The following EPHA4 variants were observed in gnomAD, a reference collection of about 807,000 sequenced individuals.
EPHA4 encodes ephrin type-A receptor 4.
EPHA4 carries 19 observed loss-of-function variants against 108.3 expected under a neutral mutation model. The observed-to-expected ratio is 0.18, with a 90% confidence interval of 0.12 to 0.26. The LOEUF is 0.26. Ranked by LOEUF, EPHA4 falls within the 10% of genes least tolerant of loss-of-function variation. The pLI, the probability that EPHA4 is intolerant of heterozygous loss-of-function variation, is 1.00. For missense variants in EPHA4, 917 were observed against 1,254.0 expected, an observed-to-expected ratio of 0.73 and a Z score of 4.06; for synonymous variants, 449 against 455.5, an observed-to-expected ratio of 0.99 and a Z score of 0.18.
At position 221,430,126 on chromosome 2, in the gene EPHA4, T is replaced by C; in HGVS notation, c.2522A>G (p.Tyr841Cys). 2 of 1,609,656 alleles carry C rather than the reference T, an allele frequency of 1.2e-6. No homozygotes were observed. Among genetic ancestry groups the C allele is most frequent in the Admixed American group, 1.7e-5 (1 of 59,540 alleles). ...GCAGTCCATTGGAGGGGGTAACCGA[T>C]AGCCTTCCTCAATGGCTTTAATCAC... ...QDVIKAIEEG[Y>C]RLPPPMDCPI... The change falls in exon 15 of 18, where the codon TAT (tyrosine) becomes TGT (cysteine). Residue 841 changes from tyrosine (Y) to cysteine (C), a missense_variant. Physicochemically the swap from Tyr to Cys is radical, Grantham distance 194. Coordinates refer to ENST00000281821, the MANE Select transcript of EPHA4 (RefSeq NM_004438.5).
chr2:221,441,741 C>T (rs1051168782), intron 11 of EPHA4, among the ~76,000 whole-genome samples: 2 of 152,108 alleles, frequency 1.3e-5, no homozygotes, highest in East Asian at 3.9e-4. Flanking sequence ...CTGTGTGCTC[C>T]CCCTCCTACA....
chr2:221,437,231 T>C, intron 11 of EPHA4, 109 bp from the exon 12 acceptor site: 2 of 739,894 alleles, frequency 2.7e-6, no homozygotes, highest in South Asian at 3.6e-5. Context: ...TTGTGTGATC[T>C]AATTTAATTA....
At chr2:221,514,992 A>G (rs1318792845) in intron 3 of EPHA4, among the ~76,000 whole-genome samples, 1 of 152,168 alleles carries the variant, frequency 6.6e-6, no homozygotes, top group Non-Finnish European at 1.5e-5. Context: ...AAAAAATCTT[A>G]CTCATCCCAA....
rs141547204 is a variant in EPHA4, at chr2:221,539,497, T to G, written c.823+24234A>C. ...TGCTTCTGTAGAACCTTGTGGAATG[T>G]GCAAAATTGTGACCAGCAGGAGGGC... On this transcript the variant is annotated intron_variant, in intron 3 of 17. Coordinates refer to ENST00000281821, the MANE Select transcript of EPHA4 (RefSeq NM_004438.5). 5.3e-5 allele frequency among the ~76,000 whole-genome samples: 8 copies of G among 152,238 alleles called. No homozygotes were observed. In the East Asian group the frequency reaches 1.4e-3, roughly 26 times the overall value.
At chr2:221,485,516 C>T (rs1318542764) in intron 4 of EPHA4, among the ~76,000 whole-genome samples, 1 of 152,054 alleles carries the variant, frequency 6.6e-6, no homozygotes, top group Non-Finnish European at 1.5e-5. Context: ...ACTGTCGCTG[C>T]CTCGAAATTG....
intron 15 of EPHA4, among the ~76,000 whole-genome samples, chr2:221,429,298 T>C (rs544542676): frequency 6.6e-6 from 1 of 152,242 alleles, no homozygotes; most frequent in African/African-American, 2.4e-5. Context: ...CTTTATGTTC[T>C]CTACAGACTG....
intron 3 of EPHA4, among the ~76,000 whole-genome samples, chr2:221,521,658 G>T (rs1232482720): frequency 6.6e-6 from 1 of 152,082 alleles, no homozygotes; most frequent in East Asian, 1.9e-4. Flanking sequence ...GGTAATTGGA[G>T]AATATGGAAT....
intron 3 of EPHA4, among the ~76,000 whole-genome samples, chr2:221,544,388 C>T (rs1693923765): frequency 1.3e-5 from 2 of 152,128 alleles, no homozygotes; most frequent in South Asian, 4.1e-4. Context: ...TGCAATGGCA[C>T]TATCTCAGCT....
chr2:221,562,916 G>A (rs777437750), intron 3 of EPHA4, among the ~76,000 whole-genome samples: 1 of 151,518 alleles, frequency 6.6e-6, no homozygotes, highest in Non-Finnish European at 1.5e-5. Context: ...AACCTGAGGT[G>A]AGAAAAAAAA....
intron 3 of EPHA4, among the ~76,000 whole-genome samples, chr2:221,535,997 C>T (rs776467887): frequency 2.7e-4 from 41 of 152,308 alleles, no homozygotes; most frequent in Admixed American, 1.7e-3. Context: ...CAGCTAACTC[C>T]TGTTCTTGGC....
intron 4 of EPHA4, among the ~76,000 whole-genome samples, chr2:221,495,624 T>G (rs1470661191): frequency 6.6e-6 from 1 of 152,224 alleles, no homozygotes; most frequent in East Asian, 1.9e-4. Flanking sequence ...GCCATTTATG[T>G]TAACCTAACC....
chr2:221,426,361 G>T, intron 16 of EPHA4, 103 bp downstream of exon 16: 1 of 1,382,736 alleles, frequency 7.2e-7, no homozygotes. Flanking sequence ...AGGCATTCCA[G>T]ATTTTTTTTA....
intron 9 of EPHA4, among the ~76,000 whole-genome samples, chr2:221,445,727 A>T (rs1406247815): frequency 2.6e-5 from 4 of 152,130 alleles, no homozygotes; most frequent in Admixed American, 6.5e-5. Flanking sequence ...TCTATATCAC[A>T]TATAGCCATT....
In EPHA4 at chr2:221,436,354, C is replaced by G. The variant is rs773521217; in HGVS notation, c.2346+45G>C. The G allele has an allele frequency of 2.0e-5, 32 of 1,570,508 alleles. No individual in the cohort carries two copies. In the South Asian group the frequency reaches 3.5e-4, roughly 17 times the overall value. On this transcript the variant is annotated intron_variant, in intron 13 of 17. Transcript: ENST00000281821. The stretch of plus-strand genomic sequence containing the variant: ...CAATCTCAAAGTGAGAAGAGAGGAA[C>G]AGTTTCACCAGAGTGAAAGCCCAGA...
chr2:221,566,951 A>AGAAGGAGAAGGAGAAGGGGAAGGG (rs1559297381), intron 2 of EPHA4, among the ~76,000 whole-genome samples: 2 of 48,628 alleles, frequency 4.1e-5, no homozygotes, highest in Non-Finnish European at 7.4e-5. Flanking sequence ...AAGGAGAAGG[A>AGAAGGAGAAGGAGAAGGGGAAGGG]GAAGGGGAAG....
chr2:221,537,559 G>A lies in EPHA4; in HGVS notation c.823+26172C>T, dbSNP rs1693708935. On this transcript the variant is annotated intron_variant, in intron 3 of 17. Transcript: ENST00000281821. ...GCAAGTACTTTGGGAGGCCAAGGAG[G>A]TGAACAGTGCTTGAAGCCAGGAGTT... Among the ~76,000 whole-genome samples the A allele has an allele frequency of 2.6e-5, 4 of 152,350 alleles. No homozygotes were observed. In the South Asian group the frequency reaches 8.3e-4, roughly 32 times the overall value.
At chr2:221,548,182 G>T (rs1694052484) in intron 3 of EPHA4, among the ~76,000 whole-genome samples, 1 of 152,036 alleles carries the variant, frequency 6.6e-6, no homozygotes, top group Admixed American at 6.6e-5. Flanking sequence ...ACACAGATCT[G>T]GTTGTTTAAA....
intron 3 of EPHA4, among the ~76,000 whole-genome samples, chr2:221,547,741 AGT>A (rs1694041531): frequency 6.6e-6 from 1 of 152,174 alleles, no homozygotes; most frequent in East Asian, 1.9e-4. Flanking sequence ...ACAGTTCTCA[AGT>A]GTGTAAGCTG....
In EPHA4 at chr2:221,448,224, G is replaced by A. The variant is rs180927017; in HGVS notation, c.1716-2043C>T. On this transcript the variant is annotated intron_variant, in intron 8 of 17. Transcript: ENST00000281821. ...ACACATGCTCAGATTCCCTGTAGAT[G>A]AGGACATGGAGCTGGGGTGGGGTGG... 2.4e-3 allele frequency among the ~76,000 whole-genome samples: 345 copies of A among 142,400 alleles called. 1 individual carries two copies. Among genetic ancestry groups the A allele is most frequent in the East Asian group, 9.1e-3 (39 of 4,264 alleles). 93.4% of individuals were successfully genotyped at this position (142,400 alleles called of 152,430 possible).
Sources: gnomAD v4.1 joint callset for allele counts (sites outside exome capture counted in the v4.1 genomes callset) on GRCh38, gnomAD v4.1.1 for gene constraint, MANE v1.5 for transcripts, NCBI Gene and HGNC (gene_info 2026-07-23, HGNC 2026-07-21) for gene names.